SH3RF3: variants seen among roughly 807,000 people sequenced by gnomAD.
SH3RF3 encodes the protein SH3 domain containing ring finger 3.
In SH3RF3, 29 loss-of-function variants were observed where a neutral mutation model predicts 66.3. The ratio of observed to expected loss-of-function variants is 0.44; its 90% confidence interval spans 0.33 to 0.60. The LOEUF is 0.60. Among genes scored for constraint, SH3RF3 ranks in the 20% least tolerant of loss-of-function variants. SH3RF3 has a pLI of 0.04. For missense variants in SH3RF3, 1,194 were observed against 1,190.9 expected, an observed-to-expected ratio of 1.00 and a Z score of -0.04; for synonymous variants, 583 against 532.0, an observed-to-expected ratio of 1.10 and a Z score of -1.32.
At chr2:109,499,825 TCAGA>T (rs1362379828) in intron 9 of SH3RF3, among the ~76,000 whole-genome samples, 1 of 152,030 alleles carries the variant, frequency 6.6e-6, no homozygotes, top group Non-Finnish European at 1.5e-5. Context: ...GTGAAAGTAG[TCAGA>T]CAGGTTTTAA....
chr2:109,298,430 C>T (rs1200124748), intron 1 of SH3RF3, among the ~76,000 whole-genome samples: 3 of 152,100 alleles, frequency 2.0e-5, no homozygotes. Flanking sequence ...GTCTGTGGGT[C>T]ATTGAAGGAG....
intron 5 of SH3RF3, among the ~76,000 whole-genome samples, chr2:109,420,702 C>T (rs1676854780): frequency 6.6e-6 from 1 of 152,158 alleles, no homozygotes; most frequent in African/African-American, 2.4e-5. Context: ...GCCTTGGCCT[C>T]CCTAAATGCT....
chr2:109,192,484 T>C (rs890083286), intron 1 of SH3RF3, among the ~76,000 whole-genome samples: 5 of 152,232 alleles, frequency 3.3e-5, no homozygotes, highest in African/African-American at 1.2e-4. Context: ...ATTAGCCTGG[T>C]ATACATTTGT....
chr2:109,334,706 T>G (rs1053847752), intron 1 of SH3RF3, among the ~76,000 whole-genome samples: 1 of 152,180 alleles, frequency 6.6e-6, no homozygotes, highest in Non-Finnish European at 1.5e-5. Flanking sequence ...GAGAAAAAGC[T>G]GCAATATGCC....
intron 8 of SH3RF3, among the ~76,000 whole-genome samples, chr2:109,454,363 T>A (rs1482054268): frequency 6.6e-6 from 1 of 152,150 alleles, no homozygotes; most frequent in Non-Finnish European, 1.5e-5. Context: ...TCCTGAAGGG[T>A]CTGGGCCATT....
chr2:109,246,891 C>A (rs755098529), intron 1 of SH3RF3, among the ~76,000 whole-genome samples: 42 of 152,202 alleles, frequency 2.8e-4, no homozygotes, highest in Non-Finnish European at 5.4e-4. Flanking sequence ...AGGTTTGATG[C>A]TAGGACCCCT....
chr2:109,445,502 T>A (rs905424048), intron 7 of SH3RF3, among the ~76,000 whole-genome samples: 3 of 152,202 alleles, frequency 2.0e-5, no homozygotes, highest in African/African-American at 7.2e-5. Context: ...TACACACTAT[T>A]TCAAAAATAT....
At chr2:109,281,066 G>A (rs1680878307) in intron 1 of SH3RF3, among the ~76,000 whole-genome samples, 1 of 152,200 alleles carries the variant, frequency 6.6e-6, no homozygotes, top group African/African-American at 2.4e-5. Context: ...TGCCATGACA[G>A]GGCCAGAGAG....
intron 7 of SH3RF3, among the ~76,000 whole-genome samples, chr2:109,445,804 G>T (rs1677689425): frequency 6.6e-6 from 1 of 152,130 alleles, no homozygotes; most frequent in African/African-American, 2.4e-5. Context: ...CCTGAAGTGG[G>T]AAGCGATACC....
chr2:109,458,572 CAGAGAGAGAGAG>C lies in SH3RF3; in HGVS notation c.2148+9101_2148+9112del, dbSNP rs70958708. On this transcript the variant is annotated intron_variant, in intron 8 of 9. Transcript: ENST00000309415. ...CCAGAGAAACAGAACCAGCAGGAGA[CAGAGAGAGAGAG>C]AGAGAGAGAGAGAGAGAATTTATTT... Among the ~76,000 whole-genome samples the C allele has an allele frequency of 7.3e-5, 9 of 123,056 alleles. No homozygotes were observed. The South Asian group carries it at 1.4e-3, about 19-fold the overall frequency. 80.7% of individuals were successfully genotyped at this position (123,056 alleles called of 152,430 possible).
At chr2:109,179,141 T>C (rs1447946482) in intron 1 of SH3RF3, among the ~76,000 whole-genome samples, 2 of 151,798 alleles carry the variant, frequency 1.3e-5, no homozygotes, top group African/African-American at 2.4e-5. Flanking sequence ...AGGAAACGAG[T>C]AGGATGTACA....
At chr2:109,215,554 G>C (rs1679085741) in intron 1 of SH3RF3, among the ~76,000 whole-genome samples, 1 of 152,120 alleles carries the variant, frequency 6.6e-6, no homozygotes, top group Non-Finnish European at 1.5e-5. Context: ...CCTCTCGGGA[G>C]AGCCCCTGTC....
intron 3 of SH3RF3, among the ~76,000 whole-genome samples, chr2:109,392,439 A>G (rs888569306): frequency 6.6e-6 from 1 of 152,074 alleles, no homozygotes; most frequent in Non-Finnish European, 1.5e-5. Context: ...GGTGGATATA[A>G]GGGTCTGATG....
At chr2:109,442,503 T>C (rs373330824) in intron 7 of SH3RF3, among the ~76,000 whole-genome samples, 1 of 152,158 alleles carries the variant, frequency 6.6e-6, no homozygotes, top group Admixed American at 6.5e-5. Context: ...TATAATTGAC[T>C]GTTTAAACAA....
intron 1 of SH3RF3, among the ~76,000 whole-genome samples, chr2:109,335,707 C>T (rs1682397998): frequency 6.6e-6 from 1 of 152,172 alleles, no homozygotes; most frequent in African/African-American, 2.4e-5. Flanking sequence ...GTGTTTTGTT[C>T]ACTCCCAAAC....
At chr2:109,458,599 A>AGAGAGAGAGAGAGAGAGAGAGAGG (rs1334722012) in intron 8 of SH3RF3, among the ~76,000 whole-genome samples, 1 of 150,484 alleles carries the variant, frequency 6.6e-6, no homozygotes, top group African/African-American at 2.5e-5. Flanking sequence ...AGAGAGAGAG[A>AGAGAGAGAGAGAGAGAGAGAGAGG]GAATTTATTT....
intron 3 of SH3RF3, among the ~76,000 whole-genome samples, chr2:109,381,359 A>T (rs1373695748): frequency 2.0e-5 from 3 of 152,134 alleles, no homozygotes; most frequent in African/African-American, 7.2e-5. Context: ...CTTTCCACTG[A>T]GCAGGTCAAT....
chr2:109,232,810 C>T (rs1679544981), intron 1 of SH3RF3, among the ~76,000 whole-genome samples: 1 of 152,172 alleles, frequency 6.6e-6, no homozygotes, highest in Admixed American at 6.5e-5. Context: ...CCATTTTATA[C>T]TTGAAAACTA....
At chr2:109,187,067 T>C (rs1236398108) in intron 1 of SH3RF3, among the ~76,000 whole-genome samples, 2 of 152,126 alleles carry the variant, frequency 1.3e-5, no homozygotes, top group African/African-American at 4.8e-5. Flanking sequence ...TCACGGATCA[T>C]TTAAGCATAT....
Sources: allele counts gnomAD v4.1 joint callset (sites outside exome capture counted in the v4.1 genomes callset), GRCh38; gene constraint gnomAD v4.1.1; transcripts MANE v1.5; gene names NCBI Gene and HGNC (gene_info 2026-07-23, HGNC 2026-07-21).